GFPT2: variants seen among roughly 807,000 people sequenced by gnomAD.
GFPT2 encodes glutamine--fructose-6-phosphate transaminase 2.
Under a neutral mutation model 85.6 loss-of-function variants are expected in GFPT2, and 62 were observed. The observed-to-expected ratio is 0.72, with a 90% CI of 0.59 to 0.90. The LOEUF is 0.90. Ranked by LOEUF, GFPT2 falls within the 40% of genes least tolerant of loss-of-function variation. The pLI is 0.00. For missense variants in GFPT2, 788 were observed against 893.4 expected (o/e 0.88, Z 1.50); for synonymous variants, 368 against 344.5 (o/e 1.07, Z -0.75).
intron 18 of GFPT2, 71 bp downstream of exon 18, chr5:180,302,352 T>C: frequency 8.7e-7 from 1 of 1,146,944 alleles, no homozygotes. Context: ...ACTCCAAGTA[T>C]TTAAAGAACA....
intron 9 of GFPT2, among the ~76,000 whole-genome samples, chr5:180,319,322 T>C (rs1764075181): frequency 6.6e-6 from 1 of 152,236 alleles, no homozygotes; most frequent in African/African-American, 2.4e-5. Flanking sequence ...ATCTCACGGC[T>C]GTCTTTTTAT....
intron 15 of GFPT2, among the ~76,000 whole-genome samples, chr5:180,310,481 GCTCACTGCAAC>G (rs1561872703): frequency 6.6e-6 from 1 of 150,706 alleles, no homozygotes; most frequent in African/African-American, 2.4e-5. Context: ...CAGAATCTTG[GCTCACTGCAAC>G]CTCTGCCTCC....
At chr5:180,317,317 T>A (rs1390237034) in intron 10 of GFPT2, among the ~76,000 whole-genome samples, 1 of 152,148 alleles carries the variant, frequency 6.6e-6, no homozygotes, top group East Asian at 1.9e-4. Flanking sequence ...GCCTGGCTGA[T>A]CCCTCTGGGC....
chr5:180,347,608 C>A (rs189573524), intron 1 of GFPT2, among the ~76,000 whole-genome samples: 2 of 152,044 alleles, frequency 1.3e-5, no homozygotes, highest in African/African-American at 4.8e-5. Context: ...GCACAAGGCC[C>A]GAGAGATCAC....
chr5:180,333,517 AGCCACCAT>A (rs1764345262), intron 4 of GFPT2, among the ~76,000 whole-genome samples: 1 of 152,106 alleles, frequency 6.6e-6, no homozygotes, highest in Non-Finnish European at 1.5e-5. Flanking sequence ...TACAGGCGTG[AGCCACCAT>A]GCCTGGCCGG....
intron 8 of GFPT2, 104 bp from the exon 9 acceptor site, chr5:180,324,409 G>A (rs1266293898): frequency 5.7e-6 from 4 of 698,598 alleles, no homozygotes; most frequent in Non-Finnish European, 1.0e-5. Flanking sequence ...GGAGAAATTT[G>A]CAATTTTTAG....
chr5:180,302,896 G>A (rs555458096), intron 17 of GFPT2, among the ~76,000 whole-genome samples: 15 of 152,186 alleles, frequency 9.9e-5, no homozygotes, highest in Admixed American at 9.2e-4. Context: ...ATAGTCTAGT[G>A]GTAGAAAACA....
Position 180,304,838 on chromosome 5 carries a change from C to T in GFPT2, c.1776G>A (p.Met592Ile), listed in dbSNP as rs776775664. The T allele has an allele frequency of 5.0e-6, 8 of 1,614,138 alleles. No homozygotes were observed. In the East Asian group the frequency reaches 1.8e-4, roughly 36 times the overall value. Residue 592 changes from methionine to isoleucine, a missense_variant, in exon 17 of 19, where the codon ATG becomes ATA. By Grantham distance (10) the Met-to-Ile change is conservative. Coordinates refer to ENST00000253778, the MANE Select transcript of GFPT2 (RefSeq NM_005110.4). ...CGAAGCAAGGATCCTTCATAATGAC[C>T]ATGATGACGGGCATCTGCTTGTCAA... ...ALIDKQMPVI[M>I]VIMKDPCFAK...
chr5:180,328,220 C>G lies in GFPT2; in HGVS notation c.596+57G>C, dbSNP rs1764246907. On this transcript the variant is annotated intron_variant, in intron 7 of 18. Coordinates refer to ENST00000253778, the MANE Select transcript of GFPT2 (RefSeq NM_005110.4). The surrounding 1 kb of genome is among the most constrained non-coding windows in gnomAD (Gnocchi z 5.4). ...CCCTACCTCTCCCGTCTCCCTCCAG[C>G]TAAGTGATTTTATTTTCGTTCTTTC... 7.7e-7 allele frequency: 1 copy of G among 1,294,130 alleles called. No individual in the cohort carries two copies. The highest frequency in any genetic ancestry group is 1.7e-5 in the Admixed American group (1 of 59,564). 80.2% of individuals were successfully genotyped at this position (1,294,130 alleles called of 1,614,324 possible).
chr5:180,339,995 G>A (rs1443120310), intron 1 of GFPT2, among the ~76,000 whole-genome samples: 5 of 152,222 alleles, frequency 3.3e-5, no homozygotes, highest in African/African-American at 4.8e-5. Context: ...GTTGGCTTGG[G>A]CTGCTGTAAC....
At chr5:180,353,118 G>T in intron 1 of GFPT2, 93 bp downstream of exon 1, 1 of 1,089,252 alleles carries the variant, frequency 9.2e-7, no homozygotes, top group Non-Finnish European at 1.2e-6. Flanking sequence ...CCAGGTCCTC[G>T]GCGCCTGCTT....
chr5:180,351,395 T>A (rs1412399123), intron 1 of GFPT2, among the ~76,000 whole-genome samples: 2 of 152,220 alleles, frequency 1.3e-5, no homozygotes, highest in Admixed American at 6.5e-5. Flanking sequence ...CACGACTTCC[T>A]GCTGAGCTGT....
intron 17 of GFPT2, among the ~76,000 whole-genome samples, chr5:180,303,670 T>C (rs1038712900): frequency 2.0e-5 from 3 of 152,146 alleles, no homozygotes; most frequent in African/African-American, 7.2e-5. Context: ...TCATTGGATT[T>C]CACCTCCCCG....
chr5:180,310,501 C>T (rs1763858155), intron 15 of GFPT2, among the ~76,000 whole-genome samples: 1 of 151,562 alleles, frequency 6.6e-6, no homozygotes, highest in Non-Finnish European at 1.5e-5. Context: ...ACCTCTGCCT[C>T]CTGGGTTCAA....
At chr5:180,351,619 A>T (rs1192021603) in intron 1 of GFPT2, among the ~76,000 whole-genome samples, 1 of 152,234 alleles carries the variant, frequency 6.6e-6, no homozygotes, top group Non-Finnish European at 1.5e-5. Flanking sequence ...CTGAAGATAC[A>T]GGTGGTCACA....
rs1028097965 is a variant in GFPT2, at chr5:180,352,612, G to A, written c.7+599C>T. On this transcript the variant is annotated intron_variant, in intron 1 of 18. Transcript: ENST00000253778. ...AGTGACTGCCTCTTCCCCGCGCAAA[G>A]AGGCGGTAACGCGGCAGCGACCCTT... 8.9e-6 allele frequency: 4 copies of A among 449,186 alleles called. No individual in the cohort carries two copies. In the Admixed American group the frequency reaches 9.5e-5, roughly 11 times the overall value. The allele number at this position is 449,186 out of a possible 1,614,324, so 27.8% of individuals were successfully genotyped here.
chr5:180,320,137 T>C (rs1341347503), intron 9 of GFPT2, among the ~76,000 whole-genome samples: 1 of 151,952 alleles, frequency 6.6e-6, no homozygotes, highest in Non-Finnish European at 1.5e-5. Context: ...GGACTACAGG[T>C]GCCCGACACC....
intron 15 of GFPT2, among the ~76,000 whole-genome samples, chr5:180,310,286 A>C (rs752149809): frequency 1.3e-5 from 2 of 151,334 alleles, no homozygotes; most frequent in Non-Finnish European, 2.9e-5. Context: ...TATTTTTAGT[A>C]GAGATGGGGT....
At chr5:180,333,200 A>G (rs964703609) in intron 4 of GFPT2, among the ~76,000 whole-genome samples, 1 of 149,294 alleles carries the variant, frequency 6.7e-6, no homozygotes, top group South Asian at 2.1e-4. Context: ...CCCCTTCTCC[A>G]TTTTTTTATA....
Sources: gnomAD v4.1 joint callset for allele counts (sites outside exome capture counted in the v4.1 genomes callset) on GRCh38, gnomAD v4.1.1 for gene constraint, Gnocchi (gnomAD v3.1) non-coding constraint, MANE v1.5 for transcripts, NCBI Gene and HGNC (gene_info 2026-07-23, HGNC 2026-07-21) for gene names.